CLSTN2: variants seen among roughly 807,000 people sequenced by gnomAD.
CLSTN2 encodes calsyntenin 2, also known as calsyntenin-2.
Under a neutral mutation model 101.2 loss-of-function variants are expected in CLSTN2, and 48 were observed. The observed-to-expected ratio is 0.47, with a 90% CI of 0.38 to 0.60. The LOEUF (loss-of-function observed/expected upper bound fraction) is 0.60, where lower values mean the gene tolerates loss of function less well. Ranked by LOEUF, CLSTN2 falls within the 20% of genes least tolerant of loss-of-function variation. The pLI is 0.00. For missense variants in CLSTN2, 1,160 were observed against 1,238.2 expected (o/e 0.94, Z 0.95); for synonymous variants, 481 against 463.6 (o/e 1.04, Z -0.48).
chr3:140,533,235 G>T (rs1398842724), intron 9 of CLSTN2, among the ~76,000 whole-genome samples: 2 of 152,278 alleles, frequency 1.3e-5, no homozygotes, highest in East Asian at 3.9e-4. Context: ...TCCTTTAAGG[G>T]CTGGGTATGC....
intron 2 of CLSTN2, among the ~76,000 whole-genome samples, chr3:140,300,649 A>G (rs1324932584): frequency 6.6e-6 from 1 of 152,136 alleles, no homozygotes. Context: ...TGGGCCCATG[A>G]AAGGCTGAGT....
rs147946605 is a variant in CLSTN2 at position 140,538,813 on chromosome 3, C to T, written c.1507+6327C>T. ...AAGGAGTTCTTCATGAAGCTCCAGT[C>T]CTACAGGATACCCTTTCACAAAAAG... is the stretch of plus-strand genomic sequence containing the variant. On this transcript the variant is annotated intron_variant, in intron 9 of 16. Transcript: ENST00000458420. Among the ~76,000 whole-genome samples, 483 of 152,290 alleles carry T rather than the reference C, an allele frequency of 3.2e-3. 1 individual carries two copies. Among genetic ancestry groups the T allele is most frequent in the Non-Finnish European group, 5.6e-3 (383 of 68,016 alleles).
intron 2 of CLSTN2, among the ~76,000 whole-genome samples, chr3:140,338,743 G>A (rs1319551504): frequency 1.3e-5 from 2 of 152,148 alleles, no homozygotes; most frequent in African/African-American, 4.8e-5. Context: ...AGGCCTAGTG[G>A]AACACACATC....
intron 1 of CLSTN2, among the ~76,000 whole-genome samples, chr3:140,165,149 G>C (rs1274053324): frequency 1.3e-5 from 2 of 152,150 alleles, no homozygotes; most frequent in Non-Finnish European, 2.9e-5. Context: ...TCACACACAT[G>C]GGATTTGTAT....
At chr3:140,239,734 T>C (rs2086443794) in intron 2 of CLSTN2, among the ~76,000 whole-genome samples, 1 of 152,124 alleles carries the variant, frequency 6.6e-6, no homozygotes, top group Non-Finnish European at 1.5e-5. Flanking sequence ...AATTTTGATG[T>C]GTACACATTA....
chr3:140,322,936 C>A (rs11918688), intron 2 of CLSTN2, among the ~76,000 whole-genome samples: 2,278 of 152,322 alleles, frequency 0.015, 54 homozygotes, highest in South Asian at 0.097. Flanking sequence ...AAAAAACATA[C>A]CTCATGCTGG....
At chr3:140,316,165 T>A (rs1312426581) in intron 2 of CLSTN2, among the ~76,000 whole-genome samples, 1 of 152,210 alleles carries the variant, frequency 6.6e-6, no homozygotes, top group East Asian at 1.9e-4. Context: ...CAGCTGGGGA[T>A]AGATAGATTA....
At chr3:140,067,681 C>G (rs1227050051) in intron 1 of CLSTN2, among the ~76,000 whole-genome samples, 1 of 152,174 alleles carries the variant, frequency 6.6e-6, no homozygotes, top group Non-Finnish European at 1.5e-5. Flanking sequence ...GATGCTGTCA[C>G]CCTTTCTGAT....
chr3:140,501,405 T>C (rs755235266), intron 8 of CLSTN2, among the ~76,000 whole-genome samples: 3 of 152,204 alleles, frequency 2.0e-5, no homozygotes, highest in Admixed American at 6.5e-5. Flanking sequence ...GAAGGCTAGA[T>C]GCAGGAAGGA....
chr3:140,359,981 A>G (rs1167216691), intron 2 of CLSTN2, among the ~76,000 whole-genome samples: 3 of 140,620 alleles, frequency 2.1e-5, no homozygotes, highest in Non-Finnish European at 4.6e-5. Context: ...ACACACATAC[A>G]TACATATTTT....
chr3:140,307,997 A>G (rs2087131304), intron 2 of CLSTN2, among the ~76,000 whole-genome samples: 1 of 152,224 alleles, frequency 6.6e-6, no homozygotes, highest in African/African-American at 2.4e-5. Flanking sequence ...AGTCGGCCTC[A>G]ATAATGTAAA....
intron 8 of CLSTN2, among the ~76,000 whole-genome samples, chr3:140,498,393 C>T (rs1308561589): frequency 2.6e-5 from 4 of 152,116 alleles, no homozygotes; most frequent in African/African-American, 9.7e-5. Flanking sequence ...GGAAGGCCAT[C>T]CCTGGGCAGC....
chr3:139,984,950 A>G (rs1289263520), intron 1 of CLSTN2, among the ~76,000 whole-genome samples: 1 of 152,156 alleles, frequency 6.6e-6, no homozygotes, highest in African/African-American at 2.4e-5. Flanking sequence ...GCTCCAGCCA[A>G]AAATGTTTTC....
At chr3:140,311,412 T>G (rs2087167562) in intron 2 of CLSTN2, among the ~76,000 whole-genome samples, 1 of 145,724 alleles carries the variant, frequency 6.9e-6, no homozygotes. Context: ...TTCAAGCTAT[T>G]CTCCTGCCTC....
chr3:140,420,093 C>T (rs1482474912), intron 4 of CLSTN2, among the ~76,000 whole-genome samples: 3 of 150,990 alleles, frequency 2.0e-5, no homozygotes, highest in African/African-American at 7.3e-5. Context: ...GGGGTTTTAC[C>T]ATGTTGGCCA....
chr3:140,088,525 A>G (rs988132706), intron 1 of CLSTN2, among the ~76,000 whole-genome samples: 1 of 152,202 alleles, frequency 6.6e-6, no homozygotes, highest in African/African-American at 2.4e-5. Flanking sequence ...CCAAGTCTAC[A>G]CTGACATTTA....
chr3:140,049,520 G>C lies in CLSTN2; in HGVS notation c.109+114037G>C, dbSNP rs560704138. ...ATTTTCTCTTCTCAGCCTCCCTGAG[G>C]GGGGACTATTACCTCCAGTACTGGG... On this transcript the variant is annotated intron_variant, in intron 1 of 16. Transcript: ENST00000458420. 3.2e-4 allele frequency among the ~76,000 whole-genome samples: 48 copies of C among 152,252 alleles called. No individual in the cohort carries two copies. In the South Asian group the frequency reaches 5.4e-3, roughly 17 times the overall value.
intron 1 of CLSTN2, among the ~76,000 whole-genome samples, chr3:140,164,122 T>A (rs2010095758): frequency 6.6e-6 from 1 of 152,194 alleles, no homozygotes; most frequent in Non-Finnish European, 1.5e-5. Flanking sequence ...CTCTAGCAAG[T>A]GAATGTGAGC....
chr3:139,990,632 C>A (rs535469055), intron 1 of CLSTN2, among the ~76,000 whole-genome samples: 2 of 152,182 alleles, frequency 1.3e-5, no homozygotes, highest in South Asian at 2.1e-4. Flanking sequence ...AGAGAAGGCT[C>A]ACTACGGGGA....
Sources: gnomAD v4.1 joint callset for allele counts (sites outside exome capture counted in the v4.1 genomes callset) on GRCh38, gnomAD v4.1.1 for gene constraint, MANE v1.5 for transcripts, NCBI Gene and HGNC (gene_info 2026-07-23, HGNC 2026-07-21) for gene names.